Variants in CEP135 observed in about 807,000 individuals in gnomAD.
The protein encoded by CEP135 is centrosomal protein of 135 kDa.
Under a neutral mutation model 157.3 loss-of-function variants are expected in CEP135, and 142 were observed. That is an observed-to-expected ratio of 0.90 (90% CI 0.79 to 1.04). CEP135 has a LOEUF of 1.04. Ranked by LOEUF, CEP135 falls within the 50% of genes least tolerant of loss-of-function variation. CEP135 has a pLI of 0.00. For missense variants in CEP135, 1,317 were observed against 1,309.2 expected, an observed-to-expected ratio of 1.01 and a Z score of -0.09; for synonymous variants, 396 against 439.8, an observed-to-expected ratio of 0.90 and a Z score of 1.25.
intron 25 of CEP135, among the ~76,000 whole-genome samples, chr4:56,027,296 A>C (rs116424331): frequency 6.6e-6 from 1 of 152,200 alleles, no homozygotes. Context: ...TAGGATCTGC[A>C]AGCCAAATCC....
chr4:56,013,731 A>T (rs1450010579), intron 21 of CEP135, among the ~76,000 whole-genome samples: 1 of 152,102 alleles, frequency 6.6e-6, no homozygotes, highest in Non-Finnish European at 1.5e-5. Context: ...TTGTTTGTAT[A>T]GTTTTATAAT....
At chr4:56,012,676 C>T (rs1229884007) in intron 21 of CEP135, among the ~76,000 whole-genome samples, 1 of 152,170 alleles carries the variant, frequency 6.6e-6, no homozygotes, top group Non-Finnish European at 1.5e-5. Context: ...TTAAGGTTTA[C>T]TTTACCTCAA....
At chr4:56,005,271 A>C (rs1348241247) in intron 17 of CEP135, among the ~76,000 whole-genome samples, 2 of 152,134 alleles carry the variant, frequency 1.3e-5, no homozygotes, top group Admixed American at 6.5e-5. Context: ...CTCTACAAAA[A>C]TAAAAAAATT....
At chr4:56,021,319 A>G (rs546166269) in intron 24 of CEP135, among the ~76,000 whole-genome samples, 2 of 152,334 alleles carry the variant, frequency 1.3e-5, no homozygotes, top group Admixed American at 1.3e-4. Context: ...TAGGAAACTG[A>G]GATCACATAA....
Position 56,017,737 on chromosome 4 carries a change from A to G in CEP135, c.2892A>G (p.Glu964=), listed in dbSNP as rs989708264. The part of the protein sequence containing the change: ...SRLEEELRHQ[E]DEKATVLNDL... ...TAGAAGAAGAGCTGAGACATCAAGA[A>G]GATGAGAAAGCAACAGTATTAAATG... The change falls in exon 22 of 26, where the codon GAA becomes GAG. Residue 964 remains glutamate (E), a synonymous_variant. Transcript: ENST00000257287. 3.7e-6 allele frequency: 6 copies of G among 1,613,926 alleles called. No homozygotes were observed. The highest frequency in any genetic ancestry group is 1.1e-5 in the South Asian group (1 of 91,074).
At chr4:55,991,488 C>T (rs1729794804) in intron 14 of CEP135, among the ~76,000 whole-genome samples, 1 of 151,764 alleles carries the variant, frequency 6.6e-6, no homozygotes, top group Non-Finnish European at 1.5e-5. Context: ...GTTGCCTGTA[C>T]ATTATGTCAG....
At chr4:56,018,655 G>A (rs548790240) in intron 22 of CEP135, among the ~76,000 whole-genome samples, 4 of 152,176 alleles carry the variant, frequency 2.6e-5, no homozygotes, top group Admixed American at 1.3e-4. Flanking sequence ...CTACTCGGGA[G>A]GCTGAGGCAG....
intron 11 of CEP135, among the ~76,000 whole-genome samples, chr4:55,976,725 G>C (rs1225938124): frequency 5.9e-5 from 9 of 152,190 alleles, no homozygotes; most frequent in African/African-American, 2.2e-4. Flanking sequence ...TAGTAGGTAA[G>C]TACCTGAATG....
chr4:55,954,425 CTT>C, intron 4 of CEP135, 42 bp downstream of exon 4: 1 of 1,525,092 alleles, frequency 6.6e-7, no homozygotes, highest in Non-Finnish European at 8.8e-7. Context: ...CACATTTAAT[CTT>C]TTAACGATAT....
intron 10 of CEP135, among the ~76,000 whole-genome samples, chr4:55,972,281 G>C (rs1729053593): frequency 6.6e-6 from 1 of 152,200 alleles, no homozygotes; most frequent in African/African-American, 2.4e-5. Flanking sequence ...TAAGGGCCCT[G>C]CTCTTGCAGA....
chr4:55,951,407 G>A (rs746024410), intron 1 of CEP135, among the ~76,000 whole-genome samples: 7 of 152,038 alleles, frequency 4.6e-5, no homozygotes, highest in Non-Finnish European at 8.8e-5. Flanking sequence ...TGCTATTGTC[G>A]GTCCTTGTAA....
In CEP135 at chr4:56,018,802, G is replaced by T. The variant is rs145479903; in HGVS notation, c.3013-551G>T. ...CTTGAATGAAGGATTGAACAGTTCAGTGCTTCCGAAGTAGAATATTTTTCC... is the reference window on the plus strand; with the variant it reads ...CTTGAATGAAGGATTGAACAGTTCATTGCTTCCGAAGTAGAATATTTTTCC... On this transcript the variant is annotated intron_variant, in intron 22 of 25. Transcript: ENST00000257287. Among the ~76,000 whole-genome samples, 190 of 152,172 alleles carry T rather than the reference G, an allele frequency of 1.2e-3. 1 individual carries two copies. Among genetic ancestry groups the T allele is most frequent in the African/African-American group, 4.3e-3 (180 of 41,528 alleles).
intron 24 of CEP135, among the ~76,000 whole-genome samples, chr4:56,023,889 T>C (rs1478621406): frequency 7.2e-6 from 1 of 138,630 alleles, no homozygotes; most frequent in Non-Finnish European, 1.5e-5. Context: ...ATATATAATG[T>C]AATATATATA....
intron 10 of CEP135, among the ~76,000 whole-genome samples, chr4:55,973,487 T>C (rs1252882138): frequency 6.6e-6 from 1 of 152,212 alleles, no homozygotes; most frequent in African/African-American, 2.4e-5. Flanking sequence ...TAAAAACGTG[T>C]GCATCTTGTT....
At chr4:55,962,750 T>C (rs1728722097) in intron 6 of CEP135, among the ~76,000 whole-genome samples, 1 of 152,008 alleles carries the variant, frequency 6.6e-6, no homozygotes, top group Non-Finnish European at 1.5e-5. Context: ...TTTTTGCTTT[T>C]TTTCAACTGT....
At chr4:55,949,804 G>T (rs1342056659) in intron 1 of CEP135, among the ~76,000 whole-genome samples, 1 of 152,188 alleles carries the variant, frequency 6.6e-6, no homozygotes, top group Non-Finnish European at 1.5e-5. Flanking sequence ...ACAGTTCATG[G>T]GTGGGGACGG....
Position 55,971,330 on chromosome 4 carries a change from G to C in CEP135, c.1171G>C (p.Asp391His). ...RLSDELLVKS[D>H]LETVVHQLEQ... ...GAGTGATGAACTCCTTGTAAAATCA[G>C]ACCTAGAAACTGTTGTTCATCAGCT... Residue 391 changes from aspartate to histidine, a missense_variant, in exon 10 of 26, where the codon GAC (aspartate) becomes CAC (histidine). Asp to His is a moderately conservative substitution (Grantham distance 81). Transcript: ENST00000257287. 6.2e-7 allele frequency: 1 copy of C among 1,607,314 alleles called. No individual in the cohort carries two copies. The highest frequency in any genetic ancestry group is 1.7e-5 in the Admixed American group (1 of 58,614).
At position 56,016,313 on chromosome 4, in the gene CEP135, C is replaced by T. The variant is rs114409111; in HGVS notation, c.2803-1335C>T. On this transcript the variant is annotated intron_variant, in intron 21 of 25. Coordinates refer to ENST00000257287, the MANE Select transcript of CEP135 (RefSeq NM_025009.5). ...GATGAATTTTTGTTTTTTTAAAACA[C>T]CTAATTTGTGGTAGTTGGTTATGGC... Among the ~76,000 whole-genome samples the T allele has an allele frequency of 2.6e-3, 396 of 152,210 alleles. 2 individuals carry two copies. The highest frequency in any genetic ancestry group is 8.7e-3 in the African/African-American group (361 of 41,520).
At chr4:55,976,334 A>T (rs928499476) in intron 11 of CEP135, among the ~76,000 whole-genome samples, 6 of 151,950 alleles carry the variant, frequency 3.9e-5, no homozygotes, top group Admixed American at 1.3e-4. Context: ...AGTTTTTTTT[A>T]AATTCCGTAT....
Sources: gnomAD v4.1 joint callset for allele counts (sites outside exome capture counted in the v4.1 genomes callset) on GRCh38, gnomAD v4.1.1 for gene constraint, MANE v1.5 for transcripts, NCBI Gene and HGNC (gene_info 2026-07-23, HGNC 2026-07-21) for gene names.